The following STAP1 variants were observed in gnomAD, a reference collection of about 807,000 sequenced individuals.
STAP1 encodes signal-transducing adaptor protein 1.
Under a neutral mutation model 37.8 loss-of-function variants are expected in STAP1, and 30 were observed. That is an observed-to-expected ratio of 0.79 (90% CI 0.59 to 1.08). The LOEUF (loss-of-function observed/expected upper bound fraction) is 1.08, where lower values mean the gene tolerates loss of function less well. STAP1 is among the 50% of genes least tolerant of loss of function. The probability of loss-of-function intolerance (pLI) is 0.00; values close to 1 mark genes in which losing one functional copy is unlikely to be tolerated. For missense variants in STAP1, 357 were observed against 349.4 expected (o/e 1.02, Z -0.17); for synonymous variants, 130 against 116.0 (o/e 1.12, Z -0.78).
Position 67,581,318 on chromosome 4 carries a change from A to G in STAP1, c.377A>G (p.Gln126Arg). 4 of 1,611,774 alleles carry G rather than the reference A, an allele frequency of 2.5e-6. No individual in the cohort carries two copies. Among genetic ancestry groups the G allele is most frequent in the Non-Finnish European group, 3.4e-6 (4 of 1,179,370 alleles). Residue 126 changes from glutamine to arginine, a missense_variant, in exon 5 of 9, where the codon CAA (glutamine) becomes CGA (arginine). Physicochemically the swap from Gln to Arg is conservative, Grantham distance 43. Coordinates refer to ENST00000265404, the MANE Select transcript of STAP1 (RefSeq NM_012108.4). ...ILTVTELSVP[Q>R]NVSLLPGQVI... ...AATTGGTTTCAGCTGTCAGTTCCCC[A>G]AAACGTGTCACTCCTACCTGGGCAA...
chr4:67,559,014 T>C, intron 1 of STAP1, 85 bp downstream of exon 1: 2 of 1,282,738 alleles, frequency 1.6e-6, no homozygotes, highest in South Asian at 4.1e-5. Context: ...TGTTAAGACC[T>C]CCTTGTTTCT....
chr4:67,581,282 C>G (rs748931325), intron 4 of STAP1, 23 bp from the exon 5 acceptor site: 161 of 1,604,326 alleles, frequency 1.0e-4, no homozygotes, highest in Non-Finnish European at 1.3e-4. Flanking sequence ...TTCTTGCCTG[C>G]CTACTCTTTT....
intron 8 of STAP1, among the ~76,000 whole-genome samples, chr4:67,597,066 C>T (rs989455820): frequency 6.6e-6 from 1 of 152,222 alleles, no homozygotes; most frequent in Admixed American, 6.5e-5. Flanking sequence ...CCTTTTATCA[C>T]AGGCCTGGAG....
At chr4:67,586,393 G>T (rs1052388523) in intron 6 of STAP1, among the ~76,000 whole-genome samples, 2 of 152,136 alleles carry the variant, frequency 1.3e-5, no homozygotes, top group African/African-American at 2.4e-5. Flanking sequence ...GGAGGCGGAG[G>T]TTGCAGTGAG....
At chr4:67,606,191 C>A in intron 8 of STAP1, 105 bp from the exon 9 acceptor site, 2 of 820,082 alleles carry the variant, frequency 2.4e-6, no homozygotes, top group Non-Finnish European at 3.9e-6. Flanking sequence ...AACACACCAG[C>A]AATGTTCCAC....
At position 67,583,634 on chromosome 4, in the gene STAP1, G is replaced by A; in HGVS notation, c.591G>A (p.Leu197=). 6.2e-7 allele frequency: 1 copy of A among 1,613,684 alleles called. No homozygotes were observed. The highest frequency in any genetic ancestry group is 8.5e-7 in the Non-Finnish European group (1 of 1,179,818). The change falls in exon 6 of 9, where the codon TTG becomes TTA. Residue 197 remains leucine, a synonymous_variant. Transcript: ENST00000265404. ...ATEMLQKNPS[L]GNMILRPGSD... ...AGATGCTCCAGAAGAACCCTTCTTT[G>A]GGAAATATGATCCTGAGGCCTGGTA...
intron 2 of STAP1, among the ~76,000 whole-genome samples, chr4:67,574,082 T>C (rs1727666694): frequency 1.3e-5 from 2 of 152,088 alleles, no homozygotes; most frequent in Admixed American, 1.3e-4. Flanking sequence ...GTGCAGTAAA[T>C]GCTGAATAGC....
chr4:67,559,138 T>C (rs1727278789), intron 1 of STAP1, among the ~76,000 whole-genome samples: 1 of 152,174 alleles, frequency 6.6e-6, no homozygotes, highest in African/African-American at 2.4e-5. Context: ...ATAATATGTA[T>C]AATAACAGAG....
At chr4:67,601,476 A>G (rs1370250542) in intron 8 of STAP1, among the ~76,000 whole-genome samples, 14 of 152,176 alleles carry the variant, frequency 9.2e-5, no homozygotes, top group African/African-American at 3.1e-4. Context: ...GACTTCTTAT[A>G]GCTCATTAAT....
chr4:67,567,896 T>C (rs1315421764), intron 1 of STAP1, among the ~76,000 whole-genome samples: 1 of 152,206 alleles, frequency 6.6e-6, no homozygotes, highest in African/African-American at 2.4e-5. Context: ...AGAAAGGCCG[T>C]CAGCCAACCA....
chr4:67,560,652 CTG>C (rs774715747), intron 1 of STAP1, among the ~76,000 whole-genome samples: 10 of 149,792 alleles, frequency 6.7e-5, no homozygotes, highest in African/African-American at 1.5e-4. Context: ...GGGTGTGTGT[CTG>C]TGTGTGTGTG....
At position 67,592,041 on chromosome 4, in the gene STAP1, G is replaced by A. The variant is rs562146500; in HGVS notation, c.729+1088G>A. ...TAGCTCATACAGTCTACAGTGTAAG[G>A]AAAACTAACAGCCTGGATTATTCTT... On this transcript the variant is annotated intron_variant, in intron 7 of 8. Coordinates refer to ENST00000265404, the MANE Select transcript of STAP1 (RefSeq NM_012108.4). Among the ~76,000 whole-genome samples the A allele has an allele frequency of 5.9e-5, 9 of 152,216 alleles. No individual in the cohort carries two copies. The East Asian group carries it at 1.5e-3, about 26-fold the overall frequency.
intron 1 of STAP1, among the ~76,000 whole-genome samples, chr4:67,565,256 T>A (rs185939333): frequency 6.4e-4 from 98 of 152,356 alleles, no homozygotes; most frequent in Non-Finnish European, 1.2e-3. Flanking sequence ...AGAATGGCTA[T>A]CTGATCGCAG....
intron 8 of STAP1, among the ~76,000 whole-genome samples, chr4:67,597,116 GC>G (rs1728242656): frequency 6.6e-6 from 1 of 152,176 alleles, no homozygotes; most frequent in Non-Finnish European, 1.5e-5. Context: ...TGGACCCAGG[GC>G]CCCACTGCTC....
At chr4:67,604,356 G>A (rs1014417230) in intron 8 of STAP1, among the ~76,000 whole-genome samples, 1 of 152,096 alleles carries the variant, frequency 6.6e-6, no homozygotes. Flanking sequence ...CCGGATTTTT[G>A]GTTCTTATTA....
intron 1 of STAP1, among the ~76,000 whole-genome samples, chr4:67,560,652 CTGTGTG>C (rs774715747): frequency 2.0e-5 from 3 of 149,716 alleles, no homozygotes; most frequent in African/African-American, 7.5e-5. Context: ...GGGTGTGTGT[CTGTGTG>C]TGTGTGTGTG....
chr4:67,583,480 T>C, intron 5 of STAP1, 94 bp from the exon 6 acceptor site: 1 of 1,334,706 alleles, frequency 7.5e-7, no homozygotes, highest in South Asian at 1.5e-5. Flanking sequence ...AGTTAGCAAC[T>C]GCAGCTCTCA....
chr4:67,576,171 C>T (rs1727715361), intron 3 of STAP1, among the ~76,000 whole-genome samples: 1 of 152,148 alleles, frequency 6.6e-6, no homozygotes, highest in Admixed American at 6.5e-5. Flanking sequence ...ACCCCCTCAC[C>T]AAGGCCTACC....
At chr4:67,599,610 G>A in intron 8 of STAP1, among the ~76,000 whole-genome samples, 1 of 151,020 alleles carries the variant, frequency 6.6e-6, no homozygotes, top group East Asian at 1.9e-4. Context: ...CTTAGTCTGA[G>A]TAAAGGTTTG....
Sources: allele counts gnomAD v4.1 joint callset (sites outside exome capture counted in the v4.1 genomes callset), GRCh38; gene constraint gnomAD v4.1.1; transcripts MANE v1.5; gene names NCBI Gene and HGNC (gene_info 2026-07-23, HGNC 2026-07-21).